ACYP2: variants seen among roughly 807,000 people sequenced by gnomAD.
The protein encoded by ACYP2 is acylphosphatase-2.
In ACYP2, 12 loss-of-function variants were observed where a neutral mutation model predicts 11.2. The ratio of observed to expected loss-of-function variants is 1.08; its 90% confidence interval spans 0.69 to 1.74. The LOEUF is 1.74. Among genes scored for constraint, ACYP2 ranks in the 40% most tolerant of loss-of-function variants. ACYP2 has a pLI of 0.00. For missense variants in ACYP2, 134 were observed against 101.9 expected (o/e 1.31, Z -1.35); for synonymous variants, 43 against 32.2 (o/e 1.33, Z -1.13).
chr2:53,997,331 A>T (rs951699502), intron 2 of ACYP2, among the ~76,000 whole-genome samples: 1 of 151,980 alleles, frequency 6.6e-6, no homozygotes, highest in South Asian at 2.1e-4. Context: ...TTTGAGACAG[A>T]GTTTTGTTCT....
chr2:54,157,507 T>C (rs976676183), intron 6 of ACYP2, among the ~76,000 whole-genome samples: 3 of 152,226 alleles, frequency 2.0e-5, no homozygotes, highest in Admixed American at 6.5e-5. Context: ...ATGAATCTCG[T>C]TGCAGTGAGT....
rs1001045970 is a variant in ACYP2 at position 54,249,230 on chromosome 2, A to G, written c.405-55458A>G. Among the ~76,000 whole-genome samples, 3 of 152,186 alleles carry G rather than the reference A, an allele frequency of 2.0e-5. No individual in the cohort carries two copies. In the East Asian group the frequency reaches 5.8e-4, roughly 29 times the overall value. On this transcript the variant is annotated intron_variant, in intron 6 of 6. Transcript: ENST00000607452. ...AAGGGGACTCCTGGGACTGCCAATA[A>G]TGTAGACAAGAGGTATTAAGGTGAG...
intron 6 of ACYP2, among the ~76,000 whole-genome samples, chr2:54,295,761 C>T (rs1689495800): frequency 6.6e-6 from 1 of 151,990 alleles, no homozygotes; most frequent in Non-Finnish European, 1.5e-5. Flanking sequence ...ATCCTGCCAC[C>T]TTCTTTTTTG....
At chr2:54,302,514 C>A (rs1313094268) in intron 6 of ACYP2, among the ~76,000 whole-genome samples, 1 of 152,144 alleles carries the variant, frequency 6.6e-6, no homozygotes, top group East Asian at 1.9e-4. Flanking sequence ...GTCATTGGAC[C>A]TATCTTTTCT....
At chr2:54,052,215 C>T (rs1675906155) in intron 3 of ACYP2, among the ~76,000 whole-genome samples, 1 of 152,040 alleles carries the variant, frequency 6.6e-6, no homozygotes, top group African/African-American at 2.4e-5. Context: ...CCCTTGTACA[C>T]AACTCATTCC....
chr2:54,196,953 G>T (rs1303811869), intron 6 of ACYP2, among the ~76,000 whole-genome samples: 1 of 152,240 alleles, frequency 6.6e-6, no homozygotes, highest in African/African-American at 2.4e-5. Context: ...ACACCATGAT[G>T]AGAACTGTCC....
At position 54,045,632 on chromosome 2, in the gene ACYP2, C is replaced by T. The variant is rs376963966; in HGVS notation, c.63-5326C>T. On this transcript the variant is annotated intron_variant, in intron 2 of 6. Transcript: ENST00000607452. Reference sequence around the variant, plus strand: ...GAGATCGAGACCATCCTGGCTAAGACGGTGAAACCCTGTCTCTACTAAAAA... The same window carrying T: ...GAGATCGAGACCATCCTGGCTAAGATGGTGAAACCCTGTCTCTACTAAAAA... 3.9e-4 allele frequency among the ~76,000 whole-genome samples: 59 copies of T among 151,568 alleles called. No individual in the cohort carries two copies. In the South Asian group the frequency reaches 7.9e-3, roughly 20 times the overall value.
At chr2:54,110,691 T>C (rs940808451) in intron 4 of ACYP2, among the ~76,000 whole-genome samples, 3 of 152,002 alleles carry the variant, frequency 2.0e-5, no homozygotes, top group Non-Finnish European at 2.9e-5. Flanking sequence ...GAGTATTTCT[T>C]TGGGGAAATG....
intron 4 of ACYP2, among the ~76,000 whole-genome samples, chr2:54,118,226 G>T (rs111383259): frequency 6.6e-6 from 1 of 152,124 alleles, no homozygotes; most frequent in Non-Finnish European, 1.5e-5. Flanking sequence ...TGAACCCAGC[G>T]GTATGTTATC....
At chr2:54,096,088 G>T (rs62137971) in intron 4 of ACYP2, among the ~76,000 whole-genome samples, 1 of 138,058 alleles carries the variant, frequency 7.2e-6, no homozygotes, top group East Asian at 2.2e-4. Context: ...GGGTGGCTGC[G>T]GGGCGGAGAC....
At chr2:54,111,125 T>C (rs557092059) in intron 4 of ACYP2, among the ~76,000 whole-genome samples, 2 of 151,874 alleles carry the variant, frequency 1.3e-5, no homozygotes, top group East Asian at 1.9e-4. Flanking sequence ...ATACAGAAGC[T>C]GGGATGGGGC....
At chr2:54,083,594 A>C (rs1056550104) in intron 4 of ACYP2, among the ~76,000 whole-genome samples, 1 of 140,024 alleles carries the variant, frequency 7.1e-6, no homozygotes, top group African/African-American at 2.5e-5. Context: ...AGGAGGATTA[A>C]AAGAACCAAA....
chr2:54,008,691 T>C (rs936505771), intron 2 of ACYP2, among the ~76,000 whole-genome samples: 2 of 152,172 alleles, frequency 1.3e-5, no homozygotes, highest in Non-Finnish European at 2.9e-5. Context: ...TTTGTAAATA[T>C]GGGGTTTTGC....
intron 2 of ACYP2, among the ~76,000 whole-genome samples, chr2:54,050,078 G>A (rs1675757462): frequency 6.6e-6 from 1 of 151,970 alleles, no homozygotes; most frequent in African/African-American, 2.4e-5. Flanking sequence ...ACATCAATAG[G>A]TTCTTGGAAA....
At chr2:54,210,885 G>A (rs917704363) in intron 6 of ACYP2, among the ~76,000 whole-genome samples, 2 of 152,026 alleles carry the variant, frequency 1.3e-5, no homozygotes, top group Non-Finnish European at 2.9e-5. Flanking sequence ...TTGCTGCTAG[G>A]CCCAGGAATA....
At chr2:54,252,526 G>T (rs1687274308) in intron 6 of ACYP2, among the ~76,000 whole-genome samples, 1 of 151,894 alleles carries the variant, frequency 6.6e-6, no homozygotes, top group Non-Finnish European at 1.5e-5. Context: ...TGGTATCTCT[G>T]TTATTTTCAA....
At chr2:54,248,453 A>G (rs991419931) in intron 6 of ACYP2, among the ~76,000 whole-genome samples, 1 of 152,160 alleles carries the variant, frequency 6.6e-6, no homozygotes, top group Non-Finnish European at 1.5e-5. Flanking sequence ...ACCATGCCCT[A>G]GGGATACATA....
intron 6 of ACYP2, among the ~76,000 whole-genome samples, chr2:54,290,447 C>T (rs771231789): frequency 2.0e-5 from 3 of 151,970 alleles, no homozygotes; most frequent in Non-Finnish European, 4.4e-5. Flanking sequence ...AAATACAGAG[C>T]TTTTTATGTT....
intron 4 of ACYP2, among the ~76,000 whole-genome samples, chr2:54,118,342 T>G (rs371934782): frequency 6.6e-6 from 1 of 152,172 alleles, no homozygotes. Flanking sequence ...CAAATGGCAG[T>G]AGTGAAGGAG....
Sources: gnomAD v4.1 joint callset for allele counts (sites outside exome capture counted in the v4.1 genomes callset) on GRCh38, gnomAD v4.1.1 for gene constraint, MANE v1.5 for transcripts, NCBI Gene and HGNC (gene_info 2026-07-23, HGNC 2026-07-21) for gene names.